Variants in SRPK2 observed in about 807,000 individuals in gnomAD.
SRPK2 encodes SFRS protein kinase 2.
A neutral mutation model predicts 90.8 loss-of-function variants in SRPK2; 21 were observed. The ratio of observed to expected loss-of-function variants is 0.23; its 90% confidence interval spans 0.16 to 0.33. The LOEUF is 0.33. Ranked by LOEUF, SRPK2 falls within the 10% of genes least tolerant of loss-of-function variation. SRPK2 has a pLI of 1.00. For synonymous variants in SRPK2, 288 were observed against 311.1 expected (o/e 0.93, Z 0.78); for missense variants, 620 against 869.0 (o/e 0.71, Z 3.60).
chr7:105,151,033 A>G (rs1166569015), intron 7 of SRPK2, among the ~76,000 whole-genome samples: 1 of 152,190 alleles, frequency 6.6e-6, no homozygotes, highest in Non-Finnish European at 1.5e-5. Context: ...TGAGGTCCCA[A>G]TGACAATGAT....
Position 105,117,841 on chromosome 7 carries a change from A to G in SRPK2, c.2097T>C (p.Ser699=). The change falls in exon 16 of 16, where the codon TCT becomes TCC. Residue 699 remains serine (S), a synonymous_variant. Coordinates refer to ENST00000393651, the MANE Select transcript of SRPK2 (RefSeq NM_182692.3). ...GECLRHPWLN[S] ...AATGCAATATTGGTAGAATTTGCTA[A>G]GAATTCAACCAAGGATGCCGAAGGC... 2 of 1,612,406 alleles carry G rather than the reference A, an allele frequency of 1.2e-6. No homozygotes were observed. The highest frequency in any genetic ancestry group is 1.7e-6 in the Non-Finnish European group (2 of 1,179,958).
chr7:105,306,556 G>A (rs575379075), intron 2 of SRPK2: 5 of 442,362 alleles, frequency 1.1e-5, no homozygotes, highest in Non-Finnish European at 2.2e-5. Context: ...CCTTGAAGCA[G>A]CAGGATGTAC....
At chr7:105,121,366 A>T (rs1800343217) in intron 15 of SRPK2, among the ~76,000 whole-genome samples, 1 of 123,948 alleles carries the variant, frequency 8.1e-6, no homozygotes, top group African/African-American at 3.0e-5. Context: ...AAAAGAAAAT[A>T]TATGAAGACG....
chr7:105,366,406 G>C (rs1321667031), intron 2 of SRPK2, among the ~76,000 whole-genome samples: 3 of 128,528 alleles, frequency 2.3e-5, no homozygotes, highest in Non-Finnish European at 4.7e-5. Flanking sequence ...GTGTCACCCT[G>C]TCGCACAGGC....
chr7:105,251,399 T>G lies in SRPK2; in HGVS notation c.72-47614A>C, dbSNP rs569152611. Among the ~76,000 whole-genome samples, 193 of 152,290 alleles carry G rather than the reference T, an allele frequency of 1.3e-3. 1 individual carries two copies. The highest frequency in any genetic ancestry group is 4.5e-3 in the African/African-American group (188 of 41,550). On this transcript the variant is annotated intron_variant, in intron 2 of 15. Coordinates refer to ENST00000393651, the MANE Select transcript of SRPK2 (RefSeq NM_182692.3). ...CTTTTCTTTTTTTAGAGACAGGGTC[T>G]CACTATGTTACCCAGGCTGGTCTTG... is the stretch of plus-strand genomic sequence containing the variant.
chr7:105,216,251 C>G (rs548953715), intron 2 of SRPK2, among the ~76,000 whole-genome samples: 1 of 152,182 alleles, frequency 6.6e-6, no homozygotes, highest in Admixed American at 6.5e-5. Flanking sequence ...AAGATATACA[C>G]ACTGATGAAT....
intron 2 of SRPK2, among the ~76,000 whole-genome samples, chr7:105,263,281 C>A (rs1327638483): frequency 2.0e-5 from 3 of 151,864 alleles, no homozygotes; most frequent in Admixed American, 1.3e-4. Context: ...TGAGATCGCT[C>A]CACTTTACTC....
At chr7:105,115,053 T>A (rs146875347), downstream of SRPK2, among the ~76,000 whole-genome samples, 54 of 152,346 alleles carry the variant, frequency 3.5e-4, no homozygotes, top group East Asian at 9.1e-3. Flanking sequence ...AATTCTTCAC[T>A]GGCTTGAAAT....
chr7:105,311,360 G>C (rs1165597424), intron 2 of SRPK2, among the ~76,000 whole-genome samples: 1 of 152,106 alleles, frequency 6.6e-6, no homozygotes, highest in East Asian at 1.9e-4. Context: ...AGCCTTCTGA[G>C]TAACTGGGAC....
intron 3 of SRPK2, among the ~76,000 whole-genome samples, chr7:105,195,088 C>T (rs1342631619): frequency 6.6e-6 from 1 of 152,208 alleles, no homozygotes; most frequent in Non-Finnish European, 1.5e-5. Context: ...CTCGTTCTAT[C>T]GCCCAGGCTG....
intron 2 of SRPK2, chr7:105,244,682 C>T (rs1801340587): frequency 9.7e-6 from 11 of 1,134,208 alleles, no homozygotes; most frequent in Non-Finnish European, 1.4e-5. Flanking sequence ...GGCCGTGGGC[C>T]TCAACAAGGG....
At chr7:105,168,156 G>A (rs1322195020) in intron 4 of SRPK2, 61 bp from the exon 5 acceptor site, 2 of 1,365,252 alleles carry the variant, frequency 1.5e-6, no homozygotes, top group Non-Finnish European at 2.0e-6. Context: ...AGAATCACTG[G>A]TATCCAGGTT....
intron 2 of SRPK2, among the ~76,000 whole-genome samples, chr7:105,322,581 G>A (rs542756495): frequency 2.6e-4 from 40 of 152,196 alleles, no homozygotes; most frequent in African/African-American, 7.9e-4. Flanking sequence ...TGGGGGAGGG[G>A]GAAATAGGGA....
chr7:105,333,168 T>G (rs1814647186), intron 2 of SRPK2, among the ~76,000 whole-genome samples: 1 of 152,082 alleles, frequency 6.6e-6, no homozygotes, highest in Non-Finnish European at 1.5e-5. Flanking sequence ...CACTCCAGCC[T>G]GAGCGACAGA....
chr7:105,127,084 G>A (rs774392335), intron 13 of SRPK2, 22 bp from the exon 14 acceptor site: 11 of 1,613,358 alleles, frequency 6.8e-6, no homozygotes, highest in Admixed American at 6.7e-5. Flanking sequence ...CAGACGACAT[G>A]CTAAGCACTT....
intron 3 of SRPK2, among the ~76,000 whole-genome samples, chr7:105,201,474 C>T (rs900800477): frequency 1.3e-5 from 2 of 151,930 alleles, no homozygotes; most frequent in African/African-American, 4.8e-5. Flanking sequence ...GTGCTGGTTC[C>T]CAGAGATAGT....
intron 2 of SRPK2, among the ~76,000 whole-genome samples, chr7:105,264,908 G>C (rs1804830373): frequency 6.6e-6 from 1 of 152,128 alleles, no homozygotes; most frequent in Admixed American, 6.5e-5. Flanking sequence ...GGCAGACTGG[G>C]AATCAGCTCT....
At chr7:105,258,664 C>G (rs1275345591) in intron 2 of SRPK2, among the ~76,000 whole-genome samples, 1 of 152,148 alleles carries the variant, frequency 6.6e-6, no homozygotes, top group Non-Finnish European at 1.5e-5. Context: ...AATCCAGCAG[C>G]ACATCAAAAA....
intron 2 of SRPK2, among the ~76,000 whole-genome samples, chr7:105,271,737 A>T (rs964897164): frequency 6.6e-6 from 1 of 152,176 alleles, no homozygotes; most frequent in Admixed American, 6.5e-5. Context: ...CGTTCCCTTG[A>T]CCATGCTCAG....
Sources: gnomAD v4.1 joint callset for allele counts (sites outside exome capture counted in the v4.1 genomes callset) on GRCh38, gnomAD v4.1.1 for gene constraint, MANE v1.5 for transcripts, NCBI Gene and HGNC (gene_info 2026-07-23, HGNC 2026-07-21) for gene names.